Variants in TEP1 observed in about 807,000 individuals in gnomAD.
The protein encoded by TEP1 is telomerase protein component 1.
A neutral mutation model predicts 306.3 loss-of-function variants in TEP1; 241 were observed. The observed-to-expected ratio is 0.79, with a 90% CI of 0.71 to 0.88. The LOEUF (loss-of-function observed/expected upper bound fraction) is 0.88. TEP1 is among the 40% of genes least tolerant of loss of function. The pLI is 0.00. For synonymous variants in TEP1, 1,289 were observed against 1,305.5 expected (o/e 0.99, Z 0.27); for missense variants, 3,051 against 3,276.1 (o/e 0.93, Z 1.68).
chr14:20,384,052 T>C lies in TEP1; in HGVS notation c.3520A>G (p.Lys1174Glu). The change falls in exon 24 of 55, where the codon AAG (lysine) becomes GAG (glutamate). Residue 1174 changes from lysine to glutamate, a missense_variant. Transcript: ENST00000262715. ...SLVTGQSGQG[K>E]TAFLASLVSA... ...AGACTCTGTACCAGGAAGGCTGTCT[T>C]GCCCTGTCCTGACTGCCCCGTCACC... The C allele has an allele frequency of 1.2e-6, 2 of 1,608,612 alleles. No homozygotes were observed. Among genetic ancestry groups the C allele is most frequent in the Non-Finnish European group, 1.7e-6 (2 of 1,177,442 alleles).
Position 20,380,923 on chromosome 14 carries a change from C to G in TEP1, c.4762+8G>C, listed in dbSNP as rs755738649. The G allele has an allele frequency of 1.2e-6, 2 of 1,611,288 alleles. No homozygotes were observed. Among genetic ancestry groups the G allele is most frequent in the Non-Finnish European group, 1.7e-6 (2 of 1,177,492 alleles). Reference sequence around the variant, plus strand: ...TCAGAGAAGAACCCAGCCAGTGACTCATCTCACCATAGAGGGCATGGGCCT... The same window carrying G: ...TCAGAGAAGAACCCAGCCAGTGACTGATCTCACCATAGAGGGCATGGGCCT... On this transcript the variant is annotated splice_region_variant and intron_variant, in intron 33 of 54. Transcript: ENST00000262715.
At chr14:20,377,949 C>T in intron 39 of TEP1, 75 bp downstream of exon 39, 1 of 1,558,460 alleles carries the variant, frequency 6.4e-7, no homozygotes, top group South Asian at 1.1e-5. Flanking sequence ...GACAAAGGAC[C>T]CCCACCCCCA....
chr14:20,379,219 G>A, intron 35 of TEP1, 114 bp from the exon 36 acceptor site: 2 of 1,380,152 alleles, frequency 1.4e-6, no homozygotes, highest in Non-Finnish European at 2.0e-6. Context: ...TGAGTCCTTG[G>A]CTCTCTATGT....
intron 51 of TEP1, among the ~76,000 whole-genome samples, chr14:20,370,789 C>T (rs939230247): frequency 2.0e-5 from 3 of 152,126 alleles, no homozygotes; most frequent in East Asian, 1.9e-4. Context: ...CAATAACAAG[C>T]GGCTCCCAGG....
At chr14:20,395,751 C>T (rs986962562) in intron 11 of TEP1, 108 bp downstream of exon 11, 13 of 1,496,842 alleles carry the variant, frequency 8.7e-6, no homozygotes, top group East Asian at 2.3e-5. Flanking sequence ...CCCCCCACCC[C>T]GATACACCCT....
At chr14:20,404,304 G>A (rs935889602) in intron 5 of TEP1, among the ~76,000 whole-genome samples, 13 of 147,322 alleles carry the variant, frequency 8.8e-5, no homozygotes, top group African/African-American at 1.8e-4. Flanking sequence ...GCAGTGAGCC[G>A]AGATCACGCC....
At chr14:20,379,145 C>T (rs199924635) in intron 35 of TEP1, 40 bp from the exon 36 acceptor site, 22 of 1,607,668 alleles carry the variant, frequency 1.4e-5, no homozygotes, top group Non-Finnish European at 1.9e-5. Context: ...AGGCCATCCC[C>T]TTGACCCTCC....
At chr14:20,397,752 GTTTCT>G (rs1211924228) in intron 9 of TEP1, among the ~76,000 whole-genome samples, 2 of 151,682 alleles carry the variant, frequency 1.3e-5, no homozygotes, top group East Asian at 3.9e-4. Context: ...TCAAGCCATA[GTTTCT>G]TTTCTTTTTT....
At position 20,390,994 on chromosome 14, in the gene TEP1, G is replaced by A. The variant is rs532130327; in HGVS notation, c.2200C>T (p.Leu734Phe). 2 of 1,614,124 alleles carry A rather than the reference G, an allele frequency of 1.2e-6. No homozygotes were observed. The highest frequency in any genetic ancestry group is 1.1e-5 in the South Asian group (1 of 91,084). Residue 734 changes from leucine to phenylalanine, a missense_variant, in exon 14 of 55, where the codon CTT (leucine) becomes TTT (phenylalanine). This residue lies in a region of TEP1 where 1,507 missense variants were observed against 1,550.5 expected (regional missense o/e 0.97). Coordinates refer to ENST00000262715, the MANE Select transcript of TEP1 (RefSeq NM_007110.5). Reference protein sequence around the residue: ...CGGDTLKTAVLKAEEGILKTA... With the variant: ...CGGDTLKTAVFKAEEGILKTA... ...TTCAGGATGCCTTCTTCTGCCTTAA[G>A]CACTGCAGTCTTCAGAGTGTCACCT... is the stretch of plus-strand genomic sequence containing the variant.
rs753509255 is a variant in TEP1, at chr14:20,381,705, G to C, written c.4425-19C>G. The C allele has an allele frequency of 4.4e-6, 7 of 1,577,792 alleles. No individual in the cohort carries two copies. The highest frequency in any genetic ancestry group is 6.0e-6 in the Non-Finnish European group (7 of 1,164,044). ...TAGCAAACTGTCCTCGTGTGAGGAAGGGAGAGAGAAGAAGGAAGAGGCCTG... is the reference window on the plus strand; with the variant it reads ...TAGCAAACTGTCCTCGTGTGAGGAACGGAGAGAGAAGAAGGAAGAGGCCTG... On this transcript the variant is annotated intron_variant, in intron 30 of 54. Coordinates refer to ENST00000262715, the MANE Select transcript of TEP1 (RefSeq NM_007110.5). This position sits in a 1 kb window ranked among gnomAD's most constrained non-coding sequence, Gnocchi z 4.0.
rs1885448124 is a variant in TEP1, at chr14:20,380,242, G to A, written c.4996C>T (p.Gln1666Ter). 1 of 1,613,788 alleles carries A rather than the reference G, an allele frequency of 6.2e-7. No individual in the cohort carries two copies. The highest frequency in any genetic ancestry group is 1.1e-5 in the South Asian group (1 of 91,044). The change falls in exon 34 of 55, where the codon CAG (glutamine) becomes TAG (stop). Residue 1666 changes from glutamine (Q) to a stop codon, truncating the protein, a stop_gained. Transcript: ENST00000262715. LOFTEE classifies it high-confidence loss of function. ...CTGGGGTCAAGGTCTTACCTTTGCT[G>A]ATTTTTCATGGTCCGGGGTTTATTA... Reference protein sequence around the residue: ...WLNKPRTMKNQQSSSLSLAVS... With the variant: ...WLNKPRTMKN
At chr14:20,376,535 G>A (rs1043218400) in intron 41 of TEP1, among the ~76,000 whole-genome samples, 2 of 152,192 alleles carry the variant, frequency 1.3e-5, no homozygotes, top group Non-Finnish European at 2.9e-5. Context: ...TTCTCTAACT[G>A]TACTCCCACA....
At chr14:20,404,484 G>T in intron 5 of TEP1, 127 bp downstream of exon 5, 2 of 1,224,228 alleles carry the variant, frequency 1.6e-6, no homozygotes, top group Non-Finnish European at 2.2e-6. Flanking sequence ...AAGCTGTCCT[G>T]TCTGGGCACC....
At position 20,383,224 on chromosome 14, in the gene TEP1, C is replaced by T; in HGVS notation, c.3997G>A (p.Glu1333Lys). The change falls in exon 27 of 55, where the codon GAG becomes AAG. Residue 1333 changes from glutamate (E) to lysine (K), a missense_variant. Physicochemically the swap from Glu to Lys is moderately conservative, Grantham distance 56. This residue lies in a region of TEP1 where 1,540 missense variants were observed against 1,705.9 expected (regional missense o/e 0.90). Coordinates refer to ENST00000262715, the MANE Select transcript of TEP1 (RefSeq NM_007110.5). ...ASARARLVRE[E>K]LALYGKRLEE... The stretch of plus-strand genomic sequence containing the variant: ...AGCCGCTTCCCGTACAGGGCCAGCT[C>T]CTCTCTCACCAGCCGGGCCCGAGCA... 2 of 1,613,946 alleles carry T rather than the reference C, an allele frequency of 1.2e-6. No homozygotes were observed. Among genetic ancestry groups the T allele is most frequent in the African/African-American group, 2.7e-5 (2 of 75,044 alleles).
At chr14:20,406,172 C>G (rs146257325) in intron 3 of TEP1, 61 bp downstream of exon 3, 1 of 1,576,902 alleles carries the variant, frequency 6.3e-7, no homozygotes, top group African/African-American at 1.3e-5. Flanking sequence ...GGTTCAAGTA[C>G]TCCACCACCA....
At position 20,373,134 on chromosome 14, in the gene TEP1, T is replaced by C; in HGVS notation, c.6828A>G (p.Ile2276Met). ...CAGTGACGGCTGCAGAACTCCTTGG[T>C]ATACATGTGTCATCTGGAGGAGAAA... Reference protein sequence around the residue: ...QVPKEADDTCIPRSSAAVTAV... With the variant: ...QVPKEADDTCMPRSSAAVTAV... The change falls in exon 48 of 55, where the codon ATA (isoleucine) becomes ATG (methionine). Residue 2276 changes from isoleucine (I) to methionine (M), a missense_variant. This residue lies in a region of TEP1 where 1,540 missense variants were observed against 1,705.9 expected (regional missense o/e 0.90). Transcript: ENST00000262715. 2 of 1,614,190 alleles carry C rather than the reference T, an allele frequency of 1.2e-6. No homozygotes were observed. The highest frequency in any genetic ancestry group is 8.5e-7 in the Non-Finnish European group (1 of 1,180,036).
Position 20,377,501 on chromosome 14 carries a change from T to C in TEP1, c.5876-9A>G, listed in dbSNP as rs1187031171. ...CTGAGCCCCCTGGGAACCTAGAGAA[T>C]GAGAGAGAACAAGGGAGTAAGACAC... On this transcript the variant is annotated splice_polypyrimidine_tract_variant and intron_variant, in intron 40 of 54. Coordinates refer to ENST00000262715, the MANE Select transcript of TEP1 (RefSeq NM_007110.5). 6.2e-7 allele frequency: 1 copy of C among 1,612,322 alleles called. No individual in the cohort carries two copies. The highest frequency in any genetic ancestry group is 8.5e-7 in the Non-Finnish European group (1 of 1,178,836).
Position 20,403,824 on chromosome 14 carries a change from T to G in TEP1, c.1093A>C (p.Met365Leu), listed in dbSNP as rs768388925. 1 of 1,614,032 alleles carries G rather than the reference T, an allele frequency of 6.2e-7. No homozygotes were observed. The highest frequency in any genetic ancestry group is 8.5e-7 in the Non-Finnish European group (1 of 1,180,032). The change falls in exon 6 of 55, where the codon ATG (methionine) becomes CTG (leucine). Residue 365 changes from methionine to leucine, a missense_variant. Met to Leu is a conservative substitution (Grantham distance 15). Around this residue, in one of 3 missense-constraint regions of TEP1, gnomAD observed 1,507 missense variants for 1,550.5 expected, o/e 0.97. Coordinates refer to ENST00000262715, the MANE Select transcript of TEP1 (RefSeq NM_007110.5). ...VPLPACLRTA[M>L]TDKFAQFDEY... ...TCAAACTGGGCAAATTTGTCCGTCA[T>G]GGCAGTACGGAGACAGGCGGGCAGG...
At chr14:20,385,794 A>T (rs1877094004) in intron 20 of TEP1, among the ~76,000 whole-genome samples, 1 of 152,262 alleles carries the variant, frequency 6.6e-6, no homozygotes, top group Admixed American at 6.5e-5. Context: ...CACAACTTGT[A>T]GATGACAGAA....
Sources: gnomAD v4.1 joint callset for allele counts (sites outside exome capture counted in the v4.1 genomes callset) on GRCh38, gnomAD v4.1.1 for gene constraint, gnomAD v4.1.1 regional missense constraint, Gnocchi (gnomAD v3.1) non-coding constraint, MANE v1.5 for transcripts, NCBI Gene and HGNC (gene_info 2026-07-23, HGNC 2026-07-21) for gene names.